The following VPS53 variants were observed in gnomAD, a reference collection of about 807,000 sequenced individuals.
VPS53 encodes VPS53 subunit of GARP complex.
A neutral mutation model predicts 107.0 loss-of-function variants in VPS53; 70 were observed. That is an observed-to-expected ratio of 0.65 (90% CI 0.54 to 0.80). The LOEUF (loss-of-function observed/expected upper bound fraction) is 0.80. VPS53 is among the 30% of genes least tolerant of loss of function. VPS53 has a pLI of 0.00. For synonymous variants in VPS53, 409 were observed against 393.3 expected, an observed-to-expected ratio of 1.04 and a Z score of -0.47; for missense variants, 917 against 1,049.4, an observed-to-expected ratio of 0.87 and a Z score of 1.74.
chr17:524,784 A>G lies in VPS53; in HGVS notation c.2086-3046T>C, dbSNP rs148185872. On this transcript the variant is annotated intron_variant, in intron 19 of 21. Coordinates refer to ENST00000437048, the MANE Select transcript of VPS53 (RefSeq NM_001128159.3). This position sits in a 1 kb window ranked among gnomAD's most constrained non-coding sequence, Gnocchi z 4.5. ...AAATGTACACCGTAATACACCCATC[A>G]GAGTCAGAAGTAAACAGGTTGATAA... Among the ~76,000 whole-genome samples, 724 of 152,344 alleles carry G rather than the reference A, an allele frequency of 4.8e-3. 9 individuals carry two copies. Among genetic ancestry groups the G allele is most frequent in the African/African-American group, 0.012 (496 of 41,576 alleles).
At chr17:623,777 G>C in intron 10 of VPS53, 103 bp from the exon 11 acceptor site, 1 of 1,305,756 alleles carries the variant, frequency 7.7e-7, no homozygotes, top group Non-Finnish European at 1.0e-6. Context: ...AAAAATGTAT[G>C]TGGTCATTTC....
At chr17:562,831 C>G (rs1913151472) in intron 13 of VPS53, 86 bp from the exon 14 acceptor site, 1 of 1,434,858 alleles carries the variant, frequency 7.0e-7, no homozygotes, top group Admixed American at 2.3e-5. Context: ...ACATAAACTA[C>G]TGCCACAAGT....
At chr17:548,921 C>T (rs993027148) in intron 17 of VPS53, among the ~76,000 whole-genome samples, 35 of 152,210 alleles carry the variant, frequency 2.3e-4, no homozygotes, top group African/African-American at 8.2e-4. Flanking sequence ...TTACGAGGGC[C>T]TTCTTTGCCT....
intron 13 of VPS53, 69 bp downstream of exon 13, chr17:586,201 T>C (rs950202336): frequency 5.5e-6 from 8 of 1,460,662 alleles, no homozygotes; most frequent in Middle Eastern, 1.7e-4. Context: ...AGCTGTGCGC[T>C]CCTAAGACCC....
At chr17:709,281 T>A (rs1973545899) in intron 2 of VPS53, among the ~76,000 whole-genome samples, 1 of 151,944 alleles carries the variant, frequency 6.6e-6, no homozygotes. Context: ...TCATCTCTAG[T>A]GTATTTGTTG....
rs1597527239 is a variant in VPS53 at position 714,768 on chromosome 17, C to T, written c.-59G>A. The T allele has an allele frequency of 2.5e-6, 4 of 1,590,526 alleles. No individual in the cohort carries two copies. Among genetic ancestry groups the T allele is most frequent in the Non-Finnish European group, 2.6e-6 (3 of 1,159,870 alleles). The stretch of plus-strand genomic sequence containing the variant: ...GAGCCCAACTCAGGCCTCCAGCCGC[C>T]ACCCAGGCCCCAGCACAGCAACTCC... On this transcript the variant is annotated 5_prime_UTR_variant, in exon 1 of 22. Transcript: ENST00000437048.
chr17:619,983 G>A (rs983216684), intron 11 of VPS53, among the ~76,000 whole-genome samples: 2 of 152,164 alleles, frequency 1.3e-5, no homozygotes, highest in Non-Finnish European at 1.5e-5. Context: ...ACCACGCCCC[G>A]CTAGTATTTC....
At chr17:670,891 C>A (rs1402980867) in intron 4 of VPS53, among the ~76,000 whole-genome samples, 1 of 152,188 alleles carries the variant, frequency 6.6e-6, no homozygotes, top group East Asian at 1.9e-4. Context: ...TTTCTGTTTT[C>A]CAACTTGACA....
intron 13 of VPS53, among the ~76,000 whole-genome samples, chr17:583,070 A>G (rs1161048638): frequency 6.7e-6 from 1 of 148,352 alleles, no homozygotes; most frequent in Non-Finnish European, 1.5e-5. Flanking sequence ...ATGCGTTCCC[A>G]CAGAACTTCC....
At chr17:609,968 A>C (rs1968773525) in intron 11 of VPS53, among the ~76,000 whole-genome samples, 1 of 152,066 alleles carries the variant, frequency 6.6e-6, no homozygotes, top group Non-Finnish European at 1.5e-5. Context: ...TCTACTAAAA[A>C]TATAAAAAAA....
rs200137906 is a variant in VPS53 at position 601,817 on chromosome 17, G to A, written c.1196C>T (p.Thr399Met). 154 of 1,602,958 alleles carry A rather than the reference G, an allele frequency of 9.6e-5. No individual in the cohort carries two copies. The highest frequency in any genetic ancestry group is 6.8e-5 in the East Asian group (3 of 44,002). The change falls in exon 12 of 22, where the codon ACG becomes ATG. Residue 399 changes from threonine to methionine, a missense_variant. Coordinates refer to ENST00000437048, the MANE Select transcript of VPS53 (RefSeq NM_001128159.3). ...EPTPEMEELATEKGDLDQPKK... is the reference protein window; with the variant it reads ...EPTPEMEELAMEKGDLDQPKK... ...TACTTGATCTAAATCTCCTTTCTCC[G>A]TTGCCAGTTCCTCCATCTCTGGTGT... is the stretch of plus-strand genomic sequence containing the variant.
chr17:701,489 T>C (rs1421801658), intron 2 of VPS53, among the ~76,000 whole-genome samples: 3 of 150,078 alleles, frequency 2.0e-5, no homozygotes, highest in Non-Finnish European at 4.4e-5. Context: ...GCGATTCTCC[T>C]GCCTCAGCCT....
chr17:653,883 G>A (rs2543775), intron 6 of VPS53, among the ~76,000 whole-genome samples: 52,906 of 152,154 alleles, frequency 0.35, 11,029 homozygotes, highest in Non-Finnish European at 0.47. Context: ...GCGGCCAGGC[G>A]CGGTGGCTCA....
intron 12 of VPS53, among the ~76,000 whole-genome samples, chr17:599,127 T>TG (rs1189184307): frequency 2.7e-4 from 27 of 101,260 alleles, no homozygotes; most frequent in African/African-American, 7.9e-4. Flanking sequence ...GGGAGGGAGG[T>TG]GGGGGGGTCA....
At chr17:571,685 G>A (rs1343308113) in intron 13 of VPS53, among the ~76,000 whole-genome samples, 1 of 152,266 alleles carries the variant, frequency 6.6e-6, no homozygotes, top group East Asian at 1.9e-4. Flanking sequence ...TGCGATTGCA[G>A]GCGCGCGCTG....
At chr17:551,695 T>C in intron 17 of VPS53, 177 bp downstream of exon 17, 1 of 446,434 alleles carries the variant, frequency 2.2e-6, no homozygotes, top group African/African-American at 2.0e-5. Context: ...GACAAGCAAC[T>C]GAACTGACGC....
chr17:658,255 T>A (rs1971287212), intron 5 of VPS53, among the ~76,000 whole-genome samples: 1 of 45,666 alleles, frequency 2.2e-5, no homozygotes, highest in Admixed American at 1.9e-4. Flanking sequence ...CGTGGATAGA[T>A]AACATCCCAC....
chr17:695,681 C>G (rs1972935792), intron 4 of VPS53, among the ~76,000 whole-genome samples: 1 of 152,028 alleles, frequency 6.6e-6, no homozygotes, highest in Non-Finnish European at 1.5e-5. Context: ...TCCTCAGTAG[C>G]TGGGACTACA....
intron 12 of VPS53, among the ~76,000 whole-genome samples, chr17:592,388 AC>A: frequency 6.6e-6 from 1 of 152,294 alleles, no homozygotes; most frequent in East Asian, 1.9e-4. Flanking sequence ...TAGTCCATTT[AC>A]ATTTAAAGTT....
Sources: allele counts gnomAD v4.1 joint callset (sites outside exome capture counted in the v4.1 genomes callset), GRCh38; gene constraint gnomAD v4.1.1; non-coding constraint Gnocchi (gnomAD v3.1); transcripts MANE v1.5; gene names NCBI Gene and HGNC (gene_info 2026-07-23, HGNC 2026-07-21).